Variants in PPIP5K2 observed in about 807,000 individuals in gnomAD.
PPIP5K2 encodes inositol hexakisphosphate and diphosphoinositol-pentakisphosphate kinase 2.
PPIP5K2 carries 105 observed loss-of-function variants against 154.6 expected under a neutral mutation model. That is an observed-to-expected ratio of 0.68 (90% CI 0.58 to 0.80). PPIP5K2 has a LOEUF of 0.80. Among genes scored for constraint, PPIP5K2 ranks in the 30% least tolerant of loss-of-function variants. The pLI is 0.00. For missense variants in PPIP5K2, 992 were observed against 1,504.6 expected, an observed-to-expected ratio of 0.66 and a Z score of 5.64; for synonymous variants, 480 against 490.3, an observed-to-expected ratio of 0.98 and a Z score of 0.28.
At chr5:103,160,117 A>G (rs1580251519) in intron 17 of PPIP5K2, among the ~76,000 whole-genome samples, 1 of 152,190 alleles carries the variant, frequency 6.6e-6, no homozygotes, top group Non-Finnish European at 1.5e-5. Flanking sequence ...TTTTAAGGCT[A>G]GATGATGATA....
rs1791684804 is a variant in PPIP5K2, at chr5:103,137,284, TC to T, written c.401+465del. 2.0e-5 allele frequency among the ~76,000 whole-genome samples: 3 copies of T among 151,414 alleles called. No homozygotes were observed. In the South Asian group the frequency reaches 6.3e-4, roughly 32 times the overall value. ...TTCCCGCCATTCTCCTGCCTCAGCC[TC>T]CCGAGTAGCTGGGATTACAGGCGCC... is the stretch of plus-strand genomic sequence containing the variant. On this transcript the variant is annotated intron_variant, in intron 4 of 30. Coordinates refer to ENST00000358359, the MANE Select transcript of PPIP5K2 (RefSeq NM_001276277.3).
At chr5:103,162,204 T>C (rs1233172554) in intron 17 of PPIP5K2, among the ~76,000 whole-genome samples, 1 of 152,146 alleles carries the variant, frequency 6.6e-6, no homozygotes, top group African/African-American at 2.4e-5. Flanking sequence ...ACAAGTCTCT[T>C]GTCCTTTTTC....
At chr5:103,155,233 C>A (rs1554212775) in intron 13 of PPIP5K2, among the ~76,000 whole-genome samples, 1 of 151,746 alleles carries the variant, frequency 6.6e-6, no homozygotes, top group Admixed American at 6.6e-5. Context: ...AGATTCATTG[C>A]AGTTTAAATA....
intron 5 of PPIP5K2, among the ~76,000 whole-genome samples, chr5:103,143,482 C>G (rs1204987669): frequency 6.6e-6 from 1 of 152,168 alleles, no homozygotes; most frequent in African/African-American, 2.4e-5. Context: ...GGCAGAAAAT[C>G]ACTTTGCCAC....
chr5:103,162,793 T>C (rs936977768), intron 17 of PPIP5K2, among the ~76,000 whole-genome samples: 7 of 152,194 alleles, frequency 4.6e-5, no homozygotes, highest in Non-Finnish European at 1.0e-4. Context: ...ATAAGATATA[T>C]ATATCTTCTA....
rs1426191923 is a variant in PPIP5K2, at chr5:103,159,398, A to G, written c.1920+70A>G. On this transcript the variant is annotated intron_variant, in intron 17 of 30. Coordinates refer to ENST00000358359, the MANE Select transcript of PPIP5K2 (RefSeq NM_001276277.3). ...CAGAAAAGTGATAAGTGCATAAAAC[A>G]TACATGTAGAGCTTATTGTATTATA... 8.0e-6 allele frequency: 10 copies of G among 1,257,278 alleles called. No homozygotes were observed. The Admixed American group carries it at 1.9e-4, about 24-fold the overall frequency. The allele number at this position is 1,257,278 out of a possible 1,614,324, so 77.9% of individuals were successfully genotyped here.
chr5:103,171,254 A>G (rs1437623173), intron 19 of PPIP5K2, among the ~76,000 whole-genome samples: 2 of 151,608 alleles, frequency 1.3e-5, no homozygotes, highest in African/African-American at 2.4e-5. Flanking sequence ...ATGATGCTTT[A>G]TAGCCATGAT....
rs116076935 is a variant in PPIP5K2, at chr5:103,201,501, T to G, written c.3620-21T>G. The G allele has an allele frequency of 9.2e-3, 13,283 of 1,445,506 alleles. 85 individuals carry two copies. The highest frequency in any genetic ancestry group is 0.011 in the Non-Finnish European group (11,629 of 1,068,056). 89.5% of individuals were successfully genotyped at this position (1,445,506 alleles called of 1,614,324 possible). On this transcript the variant is annotated intron_variant, in intron 30 of 30. Coordinates refer to ENST00000358359, the MANE Select transcript of PPIP5K2 (RefSeq NM_001276277.3). ...GTAAATTTAAGCAATAGTTTTTTTTTTTTGTTTTTGTTTTATGTAGCTACA... is the reference window on the plus strand; with the variant it reads ...GTAAATTTAAGCAATAGTTTTTTTTGTTTGTTTTTGTTTTATGTAGCTACA...
intron 1 of PPIP5K2, among the ~76,000 whole-genome samples, chr5:103,122,787 G>A (rs1204142187): frequency 1.3e-5 from 2 of 152,178 alleles, no homozygotes; most frequent in African/African-American, 4.8e-5. Flanking sequence ...GGCTCCTGAG[G>A]GAACCCATGA....
Position 103,149,148 on chromosome 5 carries a change from A to T in PPIP5K2, c.745-4A>T, listed in dbSNP as rs575667063. On this transcript the variant is annotated splice_region_variant and splice_polypyrimidine_tract_variant and intron_variant, in intron 7 of 30. Transcript: ENST00000358359. ...TTTATACATTTATTAAACATTTGTG[A>T]AAGGTTTATACAGTGGGTCCAGATT... 6.3e-7 allele frequency: 1 copy of T among 1,596,586 alleles called. No homozygotes were observed. The highest frequency in any genetic ancestry group is 1.3e-5 in the African/African-American group (1 of 74,154).
chr5:103,193,969 A>G (rs1244100100), intron 29 of PPIP5K2, among the ~76,000 whole-genome samples: 1 of 152,210 alleles, frequency 6.6e-6, no homozygotes, highest in Non-Finnish European at 1.5e-5. Context: ...GAAAGACTCA[A>G]CTTTAAAATT....
chr5:103,180,178 C>G lies in PPIP5K2; in HGVS notation c.2912C>G (p.Ala971Gly). 6.3e-7 allele frequency: 1 copy of G among 1,588,502 alleles called. No homozygotes were observed. Among genetic ancestry groups the G allele is most frequent in the South Asian group, 1.2e-5 (1 of 85,906 alleles). ...KSPLPRSRKT[A>G]TNDEESPLSV... ...CCACTTCCAAGATCTAGGAAGACGGCTACAAATGATGTAAGTATATGTATC... is the reference window on the plus strand; with the variant it reads ...CCACTTCCAAGATCTAGGAAGACGGGTACAAATGATGTAAGTATATGTATC... Residue 971 changes from alanine to glycine, a missense_variant, in exon 24 of 31, where the codon GCT (alanine) becomes GGT (glycine). Physicochemically the swap from Ala to Gly is moderately conservative, Grantham distance 60. Transcript: ENST00000358359.
intron 30 of PPIP5K2, among the ~76,000 whole-genome samples, chr5:103,199,335 C>T (rs1802610202): frequency 6.6e-6 from 1 of 151,988 alleles, no homozygotes; most frequent in South Asian, 2.1e-4. Context: ...GGTCTGTTGG[C>T]AACAAATTCT....
intron 5 of PPIP5K2, among the ~76,000 whole-genome samples, chr5:103,142,310 G>A (rs1172453368): frequency 6.6e-6 from 1 of 152,202 alleles, no homozygotes; most frequent in East Asian, 1.9e-4. Flanking sequence ...GGCCAGGCTG[G>A]CCGGCTGCTC....
At chr5:103,149,750 G>A (rs1237999636) in intron 8 of PPIP5K2, among the ~76,000 whole-genome samples, 3 of 150,596 alleles carry the variant, frequency 2.0e-5, no homozygotes, top group Non-Finnish European at 4.4e-5. Flanking sequence ...AGGCTGGAGT[G>A]CAGTGGCAGG....
rs2149882196 is a variant in PPIP5K2, at chr5:103,206,017, A to G, written c.*4383A>G. 1 of 152,258 alleles carries G rather than the reference A, an allele frequency of 6.6e-6. No individual in the cohort carries two copies. The highest frequency in any genetic ancestry group is 2.4e-5 in the African/African-American group (1 of 41,548). 9.4% of individuals were successfully genotyped at this position (152,258 alleles called of 1,614,324 possible). A position where few individuals can be genotyped will look rare whatever the true frequency, so the allele number is the denominator to read the frequency against. Reference sequence around the variant, plus strand: ...TAGTGTAGTCTGTTTTATGTAATGTATCTTTGCTTTTAGATTGTGCTTGCT... The same window carrying G: ...TAGTGTAGTCTGTTTTATGTAATGTGTCTTTGCTTTTAGATTGTGCTTGCT... On this transcript the variant is annotated 3_prime_UTR_variant, in exon 31 of 31. Transcript: ENST00000358359.
chr5:103,174,321 A>G (rs1798393108), intron 21 of PPIP5K2: 3 of 168,946 alleles, frequency 1.8e-5, no homozygotes, highest in South Asian at 1.7e-4. Context: ...ATTATGTACT[A>G]TCTACTATTA....
chr5:103,158,518 A>G lies in PPIP5K2; in HGVS notation c.1682A>G (p.Lys561Arg). ...CATAGCACCTACAGACATGACCTCA[A>G]AATATATGCCTCTGATGAAGGACGA... ...RLHSTYRHDL[K>R]IYASDEGRVQ... The change falls in exon 16 of 31, where the codon AAA (lysine) becomes AGA (arginine). Residue 561 changes from lysine (K) to arginine (R), a missense_variant. By Grantham distance (26) the Lys-to-Arg change is conservative (BLOSUM62 2). Around this residue, in one of 9 missense-constraint regions of PPIP5K2, gnomAD observed 22 missense variants for 95.5 expected, o/e 0.23. Coordinates refer to ENST00000358359, the MANE Select transcript of PPIP5K2 (RefSeq NM_001276277.3). 6.2e-7 allele frequency: 1 copy of G among 1,613,004 alleles called. No individual in the cohort carries two copies.
At position 103,205,821 on chromosome 5, in the gene PPIP5K2, A is replaced by G. The variant is rs1554232173; in HGVS notation, c.*4187A>G. 1 of 152,122 alleles carries G rather than the reference A, an allele frequency of 6.6e-6. No homozygotes were observed. The highest frequency in any genetic ancestry group is 1.5e-5 in the Non-Finnish European group (1 of 68,028). The allele number at this position is 152,122 out of a possible 1,614,324, so 9.4% of individuals were successfully genotyped here. On this transcript the variant is annotated 3_prime_UTR_variant, in exon 31 of 31. Coordinates refer to ENST00000358359, the MANE Select transcript of PPIP5K2 (RefSeq NM_001276277.3). Reference sequence around the variant, plus strand: ...GTCCATTGGATACTTTTTGTTCTATAAATTGTCAGATATTAAGATTATGAC... The same window carrying G: ...GTCCATTGGATACTTTTTGTTCTATGAATTGTCAGATATTAAGATTATGAC...
Sources: gnomAD v4.1 joint callset for allele counts (sites outside exome capture counted in the v4.1 genomes callset) on GRCh38, gnomAD v4.1.1 for gene constraint, gnomAD v4.1.1 regional missense constraint, MANE v1.5 for transcripts, NCBI Gene and HGNC (gene_info 2026-07-23, HGNC 2026-07-21) for gene names.